The following CD274 variants were observed in gnomAD, a reference collection of about 807,000 sequenced individuals.
CD274 encodes the protein programmed cell death 1 ligand 1.
Under a neutral mutation model 30.1 loss-of-function variants are expected in CD274, and 8 were observed. That is an observed-to-expected ratio of 0.27 (90% CI 0.16 to 0.48). The LOEUF is 0.48. Among genes scored for constraint, CD274 ranks in the 20% least tolerant of loss-of-function variants. The pLI, the probability that CD274 is intolerant of heterozygous loss-of-function variation, is 0.99. For synonymous variants in CD274, 152 were observed against 124.6 expected, an observed-to-expected ratio of 1.22 and a Z score of -1.46; for missense variants, 353 against 346.6, an observed-to-expected ratio of 1.02 and a Z score of -0.15.
At chr9:5,461,410 T>A (rs773660166) in intron 3 of CD274, among the ~76,000 whole-genome samples, 2 of 152,172 alleles carry the variant, frequency 1.3e-5, no homozygotes, top group Non-Finnish European at 2.9e-5. Flanking sequence ...GAACTATTAT[T>A]TTTGTGTTTT....
intron 5 of CD274, 45 bp downstream of exon 5, chr9:5,465,651 G>C (rs781235889): frequency 8.4e-7 from 1 of 1,184,028 alleles, no homozygotes; most frequent in Non-Finnish European, 1.3e-6. Context: ...GGGTGAGGAA[G>C]GGGTGAGAAT....
rs1399640668 is a variant in CD274, at chr9:5,465,816, T to C, written c.790+210T>C. On this transcript the variant is annotated intron_variant, in intron 5 of 6. Transcript: ENST00000381577. ...GCAGGAGAATGGGTATGGATGGAGGTAGAAGATGCAGTGTCATACAGTTTT... is the reference window on the plus strand; with the variant it reads ...GCAGGAGAATGGGTATGGATGGAGGCAGAAGATGCAGTGTCATACAGTTTT... The C allele has an allele frequency of 7.5e-6, 3 of 401,322 alleles. No individual in the cohort carries two copies. In the East Asian group the frequency reaches 1.2e-4, roughly 16 times the overall value. 24.9% of individuals were successfully genotyped at this position (401,322 alleles called of 1,614,324 possible). A position where few individuals can be genotyped will look rare whatever the true frequency, so the allele number is the denominator to read the frequency against.
chr9:5,468,079 T>C lies in CD274; in HGVS notation c.*217T>C, dbSNP rs868859721. ...CAGGGAGCCTGGAGGGAGACCTTGA[T>C]ACTTTCAAATGCCTGAGGGGCTCAT... On this transcript the variant is annotated 3_prime_UTR_variant, in exon 7 of 7. Transcript: ENST00000381577. 2 of 585,304 alleles carry C rather than the reference T, an allele frequency of 3.4e-6. No homozygotes were observed. The highest frequency in any genetic ancestry group is 5.6e-5 in the East Asian group (2 of 35,676). 36.3% of individuals were successfully genotyped at this position (585,304 alleles called of 1,614,324 possible). A position where few individuals can be genotyped will look rare whatever the true frequency, so the allele number is the denominator to read the frequency against.
chr9:5,457,132 A>T lies in CD274; in HGVS notation c.106A>T (p.Met36Leu), dbSNP rs2131211256. ...ATATGTGGTAGAGTATGGTAGCAAT[A>T]TGACAATTGAATGCAAATTCCCAGT... ...DLYVVEYGSN[M>L]TIECKFPVEK... Residue 36 changes from methionine (M) to leucine (L), a missense_variant, in exon 3 of 7, where the codon ATG (methionine) becomes TTG (leucine). Coordinates refer to ENST00000381577, the MANE Select transcript of CD274 (RefSeq NM_014143.4). 1 of 1,614,058 alleles carries T rather than the reference A, an allele frequency of 6.2e-7. No individual in the cohort carries two copies.
At chr9:5,460,802 C>T (rs1358648792) in intron 3 of CD274, among the ~76,000 whole-genome samples, 1 of 152,102 alleles carries the variant, frequency 6.6e-6, no homozygotes, top group East Asian at 1.9e-4. Flanking sequence ...GATTACTCAT[C>T]TCATCTGTAA....
In CD274 at chr9:5,468,038, G is replaced by A; in HGVS notation, c.*176G>A. Reference sequence around the variant, plus strand: ...GGCGAAAGCAGAGGAGGAGAATGAAGAAAGATGGAGTCAAACAGGGAGCCT... The same window carrying A: ...GGCGAAAGCAGAGGAGGAGAATGAAAAAAGATGGAGTCAAACAGGGAGCCT... On this transcript the variant is annotated 3_prime_UTR_variant, in exon 7 of 7. Transcript: ENST00000381577. The A allele has an allele frequency of 1.6e-6, 1 of 628,568 alleles. No individual in the cohort carries two copies. Among genetic ancestry groups the A allele is most frequent in the East Asian group, 2.7e-5 (1 of 36,416 alleles). 38.9% of individuals were successfully genotyped at this position (628,568 alleles called of 1,614,324 possible).
chr9:5,465,177 A>T (rs1333663049), intron 4 of CD274, among the ~76,000 whole-genome samples: 1 of 152,102 alleles, frequency 6.6e-6, no homozygotes, highest in Non-Finnish European at 1.5e-5. Context: ...GTGCAAGCAC[A>T]TTATAAATAT....
intron 5 of CD274, chr9:5,466,038 C>T (rs773882075): frequency 6.6e-6 from 1 of 152,648 alleles, no homozygotes; most frequent in Non-Finnish European, 1.5e-5. Context: ...GAGGATGTTA[C>T]ATAATTTGCA....
intron 5 of CD274, 37 bp downstream of exon 5, chr9:5,465,643 G>T: frequency 2.5e-6 from 3 of 1,220,780 alleles, no homozygotes; most frequent in Non-Finnish European, 3.6e-6. Context: ...TCCACTGGGG[G>T]TGAGGAAGGG....
chr9:5,465,895 C>A (rs369409734), intron 5 of CD274: 16 of 208,382 alleles, frequency 7.7e-5, no homozygotes, highest in South Asian at 4.1e-4. Context: ...CTAAAATGCC[C>A]GTCATTTTCA....
chr9:5,454,500 A>T (rs73641617), intron 1 of CD274, among the ~76,000 whole-genome samples: 9,500 of 152,170 alleles, frequency 0.062, 456 homozygotes, highest in Middle Eastern at 0.14. Context: ...GTACATGTAC[A>T]TATGCTGAAT....
intron 1 of CD274, among the ~76,000 whole-genome samples, chr9:5,455,487 C>T (rs1312878878): frequency 1.3e-5 from 2 of 152,166 alleles, no homozygotes; most frequent in African/African-American, 4.8e-5. Context: ...ACTCTCTCCC[C>T]TTCCCACTCC....
intron 1 of CD274, 46 bp from the exon 2 acceptor site, chr9:5,456,054 T>G: frequency 9.5e-7 from 1 of 1,057,362 alleles, no homozygotes; most frequent in South Asian, 1.3e-5. Flanking sequence ...ATTGTATGTT[T>G]AATTATTAAG....
At chr9:5,452,554 C>G (rs1014960981) in intron 1 of CD274, among the ~76,000 whole-genome samples, 1 of 152,200 alleles carries the variant, frequency 6.6e-6, no homozygotes, top group Non-Finnish European at 1.5e-5. Context: ...CAGTCTTCTT[C>G]TCTTAGACCA....
rs1224106631 is a variant in CD274 at position 5,468,463 on chromosome 9, A to G, written c.*601A>G. The stretch of plus-strand genomic sequence containing the variant: ...ATGATTTGCTCACATCTAGTAAAAC[A>G]TGGAGTATTTGTAAGGTGCTTGGTC... On this transcript the variant is annotated 3_prime_UTR_variant, in exon 7 of 7. Coordinates refer to ENST00000381577, the MANE Select transcript of CD274 (RefSeq NM_014143.4). 1.3e-5 allele frequency: 3 copies of G among 233,208 alleles called. No homozygotes were observed. In the East Asian group the frequency reaches 1.8e-4, roughly 14 times the overall value. The allele number at this position is 233,208 out of a possible 1,614,324, so 14.4% of individuals were successfully genotyped here. A position where few individuals can be genotyped will look rare whatever the true frequency, so the allele number is the denominator to read the frequency against.
At chr9:5,458,430 G>A (rs1019440575) in intron 3 of CD274, among the ~76,000 whole-genome samples, 2 of 152,130 alleles carry the variant, frequency 1.3e-5, no homozygotes, top group African/African-American at 4.8e-5. Flanking sequence ...GCTGAAATCT[G>A]CCCCTCTAGT....
chr9:5,468,260 T>C lies in CD274; in HGVS notation c.*398T>C. 3.5e-6 allele frequency: 1 copy of C among 285,218 alleles called. No homozygotes were observed. The highest frequency in any genetic ancestry group is 5.4e-5 in the East Asian group (1 of 18,650). 17.7% of individuals were successfully genotyped at this position (285,218 alleles called of 1,614,324 possible). On this transcript the variant is annotated 3_prime_UTR_variant, in exon 7 of 7. Coordinates refer to ENST00000381577, the MANE Select transcript of CD274 (RefSeq NM_014143.4). ...CCTCCACTCAATGCCTCAATTTGTT[T>C]TCTGCATGACTGAGAGTCTCAGTGT... is the stretch of plus-strand genomic sequence containing the variant.
intron 1 of CD274, among the ~76,000 whole-genome samples, chr9:5,454,909 T>C (rs1034824539): frequency 6.6e-6 from 1 of 152,242 alleles, no homozygotes; most frequent in Non-Finnish European, 1.5e-5. Flanking sequence ...ATCTTTCATA[T>C]GTTTACATGT....
rs2131223497 is a variant in CD274 at position 5,462,940 on chromosome 9, G to C, written c.501G>C (p.Trp167Cys). The change falls in exon 4 of 7, where the codon TGG (tryptophan) becomes TGC (cysteine). Residue 167 changes from tryptophan to cysteine, a missense_variant. Physicochemically the swap from Trp to Cys is radical, Grantham distance 215 (BLOSUM62 -2). Coordinates refer to ENST00000381577, the MANE Select transcript of CD274 (RefSeq NM_014143.4). ...GCTACCCCAAGGCCGAAGTCATCTG[G>C]ACAAGCAGTGACCATCAAGTCCTGA... is the stretch of plus-strand genomic sequence containing the variant. The part of the protein sequence containing the change: ...AEGYPKAEVI[W>C]TSSDHQVLSG... The C allele has an allele frequency of 6.2e-7, 1 of 1,614,050 alleles. No individual in the cohort carries two copies. Among genetic ancestry groups the C allele is most frequent in the Non-Finnish European group, 8.5e-7 (1 of 1,179,952 alleles).
Sources: allele counts gnomAD v4.1 joint callset (sites outside exome capture counted in the v4.1 genomes callset), GRCh38; gene constraint gnomAD v4.1.1; transcripts MANE v1.5; gene names NCBI Gene and HGNC (gene_info 2026-07-23, HGNC 2026-07-21).